The following LRRC4C variants were observed in gnomAD, a reference collection of about 807,000 sequenced individuals.
The protein encoded by LRRC4C is leucine rich repeat containing 4C.
A neutral mutation model predicts 33.6 loss-of-function variants in LRRC4C; 5 were observed. That is an observed-to-expected ratio of 0.15 (90% confidence interval 0.08 to 0.31). The LOEUF (loss-of-function observed/expected upper bound fraction) is 0.31, where lower values mean the gene tolerates loss of function less well. Among genes scored for constraint, LRRC4C ranks in the 10% least tolerant of loss-of-function variants. The probability of loss-of-function intolerance (pLI) is 1.00; values close to 1 mark genes in which losing one functional copy is unlikely to be tolerated. For missense variants in LRRC4C, 560 were observed against 796.7 expected (o/e 0.70, Z 3.58); for synonymous variants, 329 against 302.0 (o/e 1.09, Z -0.93).
intron 3 of LRRC4C, among the ~76,000 whole-genome samples, chr11:40,571,622 A>C (rs1324857419): frequency 1.3e-5 from 2 of 152,142 alleles, no homozygotes; most frequent in Non-Finnish European, 2.9e-5. Flanking sequence ...ATTCAGTCTT[A>C]TCTGTAATTA....
chr11:40,179,678 T>A (rs1303675566), intron 5 of LRRC4C, among the ~76,000 whole-genome samples: 2 of 152,132 alleles, frequency 1.3e-5, no homozygotes, highest in East Asian at 3.9e-4. Context: ...CTTGGAAATG[T>A]CAGTTAAATG....
At chr11:40,864,525 A>C (rs927914549) in intron 2 of LRRC4C, among the ~76,000 whole-genome samples, 3 of 152,190 alleles carry the variant, frequency 2.0e-5, no homozygotes, top group African/African-American at 7.2e-5. Flanking sequence ...TAAAATATGT[A>C]TTATCTGGTC....
In LRRC4C at chr11:40,720,843, T is replaced by C. The variant is rs141553421; in HGVS notation, c.-406-72565A>G. ...ATAGGTGTTATTCATGAGCAAAGAGTATAATCACGTTTTCAGAGGTGAGAT... is the reference window on the plus strand; with the variant it reads ...ATAGGTGTTATTCATGAGCAAAGAGCATAATCACGTTTTCAGAGGTGAGAT... On this transcript the variant is annotated intron_variant, in intron 2 of 6. Transcript: ENST00000528697. 3.9e-3 allele frequency among the ~76,000 whole-genome samples: 591 copies of C among 152,216 alleles called. 2 individuals carry two copies. The highest frequency in any genetic ancestry group is 0.014 in the Middle Eastern group (4 of 294).
intron 3 of LRRC4C, among the ~76,000 whole-genome samples, chr11:40,556,595 T>C (rs1957341773): frequency 6.6e-6 from 1 of 152,172 alleles, no homozygotes; most frequent in African/African-American, 2.4e-5. Context: ...AGATTGTAAA[T>C]CACTGGCTCT....
chr11:41,169,572 T>G (rs778819154), intron 1 of LRRC4C, among the ~76,000 whole-genome samples: 1 of 152,192 alleles, frequency 6.6e-6, no homozygotes. Flanking sequence ...AATATGTGGT[T>G]GCAAAATATT....
At chr11:40,991,576 A>C (rs2137254986) in intron 1 of LRRC4C, among the ~76,000 whole-genome samples, 1 of 152,310 alleles carries the variant, frequency 6.6e-6, no homozygotes, top group East Asian at 1.9e-4. Context: ...ATAATGAAAT[A>C]ATTATATAAT....
intron 3 of LRRC4C, among the ~76,000 whole-genome samples, chr11:40,520,471 A>G (rs946043213): frequency 6.6e-6 from 1 of 152,180 alleles, no homozygotes; most frequent in Non-Finnish European, 1.5e-5. Flanking sequence ...ATATTATTCT[A>G]TTTCAGAAAA....
intron 2 of LRRC4C, among the ~76,000 whole-genome samples, chr11:40,908,714 T>C (rs1174023488): frequency 6.6e-6 from 1 of 152,122 alleles, no homozygotes; most frequent in East Asian, 1.9e-4. Context: ...TCAAATGAGT[T>C]TGTGGAAGTG....
chr11:40,627,717 T>G (rs2135992821), intron 3 of LRRC4C, among the ~76,000 whole-genome samples: 1 of 152,160 alleles, frequency 6.6e-6, no homozygotes, highest in South Asian at 2.1e-4. Context: ...GAATACAATT[T>G]CTTATCTTCT....
At chr11:41,230,240 T>C (rs1309402868) in intron 1 of LRRC4C, among the ~76,000 whole-genome samples, 1 of 152,144 alleles carries the variant, frequency 6.6e-6, no homozygotes, top group Non-Finnish European at 1.5e-5. Flanking sequence ...TTTTATGGGT[T>C]ATAGAACTGC....
intron 1 of LRRC4C, among the ~76,000 whole-genome samples, chr11:41,404,482 CTGTGTG>C (rs144992211): frequency 6.8e-6 from 1 of 146,070 alleles, no homozygotes; most frequent in African/African-American, 2.5e-5. Flanking sequence ...GTGTGTGTGT[CTGTGTG>C]TGTGTGTGTA....
chr11:40,743,520 T>C (rs563900021), intron 2 of LRRC4C, among the ~76,000 whole-genome samples: 1 of 152,088 alleles, frequency 6.6e-6, no homozygotes, highest in East Asian at 1.9e-4. Context: ...AGGCCACCTA[T>C]ATTATAGGGT....
chr11:41,093,927 C>CAAAAAA (rs56173087), intron 1 of LRRC4C, among the ~76,000 whole-genome samples: 8 of 58,988 alleles, frequency 1.4e-4, no homozygotes, highest in African/African-American at 5.4e-4. Context: ...CCGTCTCCAC[C>CAAAAAA]AAAAAAAAAA....
At chr11:40,182,034 A>G (rs1273279310) in intron 5 of LRRC4C, among the ~76,000 whole-genome samples, 2 of 152,262 alleles carry the variant, frequency 1.3e-5, no homozygotes, top group Non-Finnish European at 2.9e-5. Flanking sequence ...TCTCTTATTA[A>G]GAAAGCTAAC....
intron 1 of LRRC4C, among the ~76,000 whole-genome samples, chr11:41,370,952 C>T (rs528504593): frequency 6.6e-6 from 1 of 152,306 alleles, no homozygotes; most frequent in East Asian, 1.9e-4. Context: ...GTTAGTCTTG[C>T]TACTCACTTA....
At chr11:40,199,222 T>C (rs4756583) in intron 5 of LRRC4C, among the ~76,000 whole-genome samples, 148,848 of 152,244 alleles carry the variant, frequency 0.98, 72,839 homozygotes, top group Middle Eastern at 1. Context: ...AGGTGCCCAC[T>C]ACCACACCCG....
At chr11:40,917,735 A>T (rs541830428) in intron 2 of LRRC4C, among the ~76,000 whole-genome samples, 1 of 152,230 alleles carries the variant, frequency 6.6e-6, no homozygotes, top group South Asian at 2.1e-4. Context: ...TAACCAAATA[A>T]AGGAGAACCA....
intron 3 of LRRC4C, among the ~76,000 whole-genome samples, chr11:40,486,600 T>C (rs113168651): frequency 1.3e-5 from 2 of 152,020 alleles, no homozygotes; most frequent in Non-Finnish European, 2.9e-5. Flanking sequence ...TTAGATGTGA[T>C]GTTATTGAGG....
chr11:40,917,414 G>C lies in LRRC4C; in HGVS notation c.-407+16221C>G, dbSNP rs74625660. On this transcript the variant is annotated intron_variant, in intron 2 of 6. Transcript: ENST00000528697. ...AGCTTCTGCATATACCAAAAGCTGA[G>C]AGCATTTGCAGGATATTATTTTTCT... is the stretch of plus-strand genomic sequence containing the variant. Among the ~76,000 whole-genome samples, 1,315 of 152,198 alleles carry C rather than the reference G, an allele frequency of 8.6e-3. 28 individuals carry two copies. The highest frequency in any genetic ancestry group is 0.03 in the African/African-American group (1,234 of 41,518).
Sources: gnomAD v4.1 joint callset for allele counts (sites outside exome capture counted in the v4.1 genomes callset) on GRCh38, gnomAD v4.1.1 for gene constraint, MANE v1.5 for transcripts, NCBI Gene and HGNC (gene_info 2026-07-23, HGNC 2026-07-21) for gene names.